ORC3: variants seen among roughly 807,000 people sequenced by gnomAD.
The protein encoded by ORC3 is homolog of latheo, Drosophila.
In ORC3, 78 loss-of-function variants were observed where a neutral mutation model predicts 100.7. The ratio of observed to expected loss-of-function variants is 0.77; its 90% CI spans 0.65 to 0.94. ORC3 has a LOEUF of 0.94. ORC3 is among the 40% of genes least tolerant of loss of function. ORC3 has a pLI of 0.00. For missense variants in ORC3, 789 were observed against 823.9 expected (o/e 0.96, Z 0.52); for synonymous variants, 295 against 289.3 (o/e 1.02, Z -0.20).
intron 5 of ORC3, among the ~76,000 whole-genome samples, chr6:87,607,302 C>T (rs899834735): frequency 4.0e-5 from 6 of 151,842 alleles, no homozygotes; most frequent in East Asian, 1.9e-4. Context: ...TGGTGGCACG[C>T]GCCTGTAATC....
intron 7 of ORC3, among the ~76,000 whole-genome samples, chr6:87,610,934 C>CTTTTTTTTT (rs67349945): frequency 3.7e-5 from 4 of 106,788 alleles, no homozygotes; most frequent in African/African-American, 1.1e-4. Flanking sequence ...TAGGACTTTT[C>CTTTTTTTTT]TTTTTTTTTT....
chr6:87,651,607 A>G (rs1308499243), intron 13 of ORC3, among the ~76,000 whole-genome samples: 1 of 152,150 alleles, frequency 6.6e-6, no homozygotes, highest in African/African-American at 2.4e-5. Context: ...AAAGTTTTAT[A>G]CTTTTAAAAA....
chr6:87,599,802 C>G (rs1428455625), intron 2 of ORC3, among the ~76,000 whole-genome samples: 1 of 152,032 alleles, frequency 6.6e-6, no homozygotes, highest in Non-Finnish European at 1.5e-5. Flanking sequence ...GTGGTGAAAC[C>G]CCGTCTCTGC....
chr6:87,637,221 T>G (rs951306309), intron 13 of ORC3, among the ~76,000 whole-genome samples: 6 of 152,220 alleles, frequency 3.9e-5, no homozygotes, highest in Non-Finnish European at 5.9e-5. Context: ...AACTGAATAT[T>G]TATTAAGTCT....
At position 87,641,318 on chromosome 6, in the gene ORC3, AC is replaced by A. The variant is rs1768233775; in HGVS notation, c.1382+4834del. On this transcript the variant is annotated intron_variant, in intron 13 of 19. Transcript: ENST00000392844. ...ATTCCATTTTCTTTCAAATGAGGAA[AC>A]CAAGGCCAGAAACATTGACTTTTCT... 1.3e-5 allele frequency among the ~76,000 whole-genome samples: 2 copies of A among 151,962 alleles called. 1 individual carries two copies. Among genetic ancestry groups the A allele is most frequent in the Admixed American group, 1.3e-4 (2 of 15,210 alleles).
Position 87,663,081 on chromosome 6 carries a change from T to C in ORC3, c.1770T>C (p.His590=), listed in dbSNP as rs780529375. 45 of 1,612,960 alleles carry C rather than the reference T, an allele frequency of 2.8e-5. No homozygotes were observed. The highest frequency in any genetic ancestry group is 3.6e-5 in the Non-Finnish European group (43 of 1,179,218). The change falls in exon 17 of 20, where the codon CAT becomes CAC. Residue 590 remains histidine, a synonymous_variant. Coordinates refer to ENST00000392844, the MANE Select transcript of ORC3 (RefSeq NM_012381.4). ...YFSAAHALRE[H]LNAAPRIALH... ...GTGCTGCCCATGCCCTTCGTGAGCA[T>C]TTAAATGCTGCTCCGCGAATTGCCC...
At chr6:87,619,039 A>C (rs1779359132) in intron 9 of ORC3, among the ~76,000 whole-genome samples, 1 of 152,216 alleles carries the variant, frequency 6.6e-6, no homozygotes, top group South Asian at 2.1e-4. Context: ...AAAAGGTGGC[A>C]GTTAAAATAA....
At chr6:87,643,821 A>G (rs1301497190) in intron 13 of ORC3, among the ~76,000 whole-genome samples, 1 of 152,190 alleles carries the variant, frequency 6.6e-6, no homozygotes, top group Non-Finnish European at 1.5e-5. Context: ...CGTAAGTTCC[A>G]TATATGAAAT....
chr6:87,643,920 T>C (rs1278537127), intron 13 of ORC3, among the ~76,000 whole-genome samples: 1 of 152,016 alleles, frequency 6.6e-6, no homozygotes, highest in African/African-American at 2.4e-5. Context: ...ATAAATGCTA[T>C]GTAAATAGTT....
intron 13 of ORC3, among the ~76,000 whole-genome samples, chr6:87,637,232 T>G (rs1278842698): frequency 3.3e-4 from 50 of 152,324 alleles, no homozygotes; most frequent in Non-Finnish European, 1.0e-4. Context: ...TATTAAGTCT[T>G]GCTTTCCTCT....
At chr6:87,620,080 T>C (rs937374271) in intron 9 of ORC3, among the ~76,000 whole-genome samples, 14 of 152,216 alleles carry the variant, frequency 9.2e-5, no homozygotes, top group Non-Finnish European at 7.3e-5. Flanking sequence ...TTGACCCAGA[T>C]ATTGAAAACA....
chr6:87,664,608 C>T (rs1283878467), intron 17 of ORC3, 135 bp from the exon 18 acceptor site: 3 of 668,108 alleles, frequency 4.5e-6, no homozygotes, highest in East Asian at 2.8e-5. Context: ...ATTGAATAGA[C>T]TCACTCACTA....
intron 13 of ORC3, among the ~76,000 whole-genome samples, chr6:87,645,984 CT>C (rs747686139): frequency 2.8e-4 from 35 of 127,008 alleles, no homozygotes; most frequent in Non-Finnish European, 4.0e-4. Flanking sequence ...CTTTTTTTTT[CT>C]TTTTTTTTTC....
In ORC3 at chr6:87,657,135, T is replaced by C. The variant is rs2128292468; in HGVS notation, c.1593+153T>C. On this transcript the variant is annotated intron_variant, in intron 15 of 19. Coordinates refer to ENST00000392844, the MANE Select transcript of ORC3 (RefSeq NM_012381.4). ...TTTTAACTCACTTCTAAGTTGAACA[T>C]CCTGTTAGTCCCATTGCCATCATTA... 1.5e-5 allele frequency: 9 copies of C among 582,102 alleles called. No individual in the cohort carries two copies. The South Asian group carries it at 1.7e-4, about 11-fold the overall frequency. The allele number at this position is 582,102 out of a possible 1,614,324, so 36.1% of individuals were successfully genotyped here.
chr6:87,659,029 G>A (rs528266358), intron 16 of ORC3, among the ~76,000 whole-genome samples: 5 of 132,984 alleles, frequency 3.8e-5, no homozygotes, highest in Admixed American at 7.5e-5. Context: ...GGGCGGGGGG[G>A]GGAGAACCTG....
At chr6:87,619,666 A>C (rs1308825071) in intron 9 of ORC3, among the ~76,000 whole-genome samples, 1 of 152,182 alleles carries the variant, frequency 6.6e-6, no homozygotes, top group East Asian at 1.9e-4. Context: ...TTGGCCTCCC[A>C]AAGTACTGAT....
At position 87,654,561 on chromosome 6, in the gene ORC3, C is replaced by G. The variant is rs142087510; in HGVS notation, c.1516+1312C>G. On this transcript the variant is annotated intron_variant, in intron 14 of 19. Transcript: ENST00000392844. ...CACACAGCTAGCTAGTGGTAGCACT[C>G]AGACCAGAGCCCATCTCTCTTAACC... Among the ~76,000 whole-genome samples the G allele has an allele frequency of 7.5e-4, 115 of 152,348 alleles. 1 individual carries two copies. The highest frequency in any genetic ancestry group is 2.3e-3 in the African/African-American group (94 of 41,586).
At chr6:87,654,519 G>T (rs138860853) in intron 14 of ORC3, among the ~76,000 whole-genome samples, 1 of 152,156 alleles carries the variant, frequency 6.6e-6, no homozygotes, top group Non-Finnish European at 1.5e-5. Flanking sequence ...AGGAGAAGAC[G>T]GCAGCTTGTT....
At chr6:87,610,864 T>G (rs1288820654) in intron 7 of ORC3, among the ~76,000 whole-genome samples, 1 of 151,690 alleles carries the variant, frequency 6.6e-6, no homozygotes. Flanking sequence ...ACTAATATAC[T>G]TTAAATTTCT....
Sources: allele counts gnomAD v4.1 joint callset (sites outside exome capture counted in the v4.1 genomes callset), GRCh38; gene constraint gnomAD v4.1.1; transcripts MANE v1.5; gene names NCBI Gene and HGNC (gene_info 2026-07-23, HGNC 2026-07-21).